The following DIAPH1 variants were observed in gnomAD, a reference collection of about 807,000 sequenced individuals.
The protein encoded by DIAPH1 is diaphanous related formin 1, also known as protein diaphanous homolog 1.
A neutral mutation model predicts 140.7 loss-of-function variants in DIAPH1; 46 were observed. The observed-to-expected ratio is 0.33, with a 90% CI of 0.26 to 0.42. The LOEUF is 0.42. Ranked by LOEUF, DIAPH1 falls within the 10% of genes least tolerant of loss-of-function variation. The pLI, the probability that DIAPH1 is intolerant of heterozygous loss-of-function variation, is 1.00. For missense variants in DIAPH1, 1,310 were observed against 1,558.7 expected (o/e 0.84, Z 2.69); for synonymous variants, 565 against 551.6 (o/e 1.02, Z -0.34).
At chr5:141,537,995 A>G (rs976838082) in intron 18 of DIAPH1, among the ~76,000 whole-genome samples, 1 of 149,870 alleles carries the variant, frequency 6.7e-6, no homozygotes, top group Non-Finnish European at 1.5e-5. Context: ...GAGCTCAAGC[A>G]ATTCTCCCAT....
intron 1 of DIAPH1, among the ~76,000 whole-genome samples, chr5:141,604,316 C>T (rs75371653): frequency 7.2e-5 from 11 of 152,214 alleles, no homozygotes; most frequent in Non-Finnish European, 1.3e-4. Context: ...CCAATTTTTC[C>T]AAAATTTCAA....
intron 8 of DIAPH1, 44 bp downstream of exon 8, chr5:141,580,700 G>T (rs199883589): frequency 2.8e-5 from 45 of 1,607,294 alleles, no homozygotes; most frequent in Non-Finnish European, 4.3e-6. Context: ...AAGAGAAAAT[G>T]ATAAAATTGA....
intron 1 of DIAPH1, among the ~76,000 whole-genome samples, chr5:141,590,184 C>T (rs764483096): frequency 2.0e-5 from 3 of 152,180 alleles, no homozygotes; most frequent in Admixed American, 1.3e-4. Flanking sequence ...TAACACAATT[C>T]AGTTCAATCC....
chr5:141,610,054 T>G (rs1048603901), intron 1 of DIAPH1, among the ~76,000 whole-genome samples: 1 of 152,192 alleles, frequency 6.6e-6, no homozygotes, highest in Non-Finnish European at 1.5e-5. Context: ...TCACAGGGCT[T>G]TGGGAGGCCA....
In DIAPH1 at chr5:141,526,169, G is replaced by C. The variant is rs1392930156; in HGVS notation, c.3443C>G (p.Ala1148Gly). ...CCGCCGCTTCTGGTTCTCCTTGACT[G>C]CTTGCTGGGGCAGGGAAGAGGAGGA... ...LHNFRNMFLQ[A>G]VKENQKRRET... is the part of the protein sequence containing the mutation. Residue 1148 changes from alanine (A) to glycine (G), a missense_variant, in exon 26 of 28, where the codon GCA becomes GGA. Physicochemically the swap from Ala to Gly is moderately conservative, Grantham distance 60 (BLOSUM62 0). Transcript: ENST00000389054. 1 of 1,614,106 alleles carries C rather than the reference G, an allele frequency of 6.2e-7. No individual in the cohort carries two copies. Among genetic ancestry groups the C allele is most frequent in the Non-Finnish European group, 8.5e-7 (1 of 1,180,036 alleles).
At position 141,575,124 on chromosome 5, in the gene DIAPH1, C is replaced by A; in HGVS notation, c.1484G>T (p.Arg495Leu). ...TTTCATTTCCACCTGTAGCTCATGT[C>A]GGGCTGTTAACTCTGAGTCCAACTA... Reference protein sequence around the residue: ...EKKLDSELTARHELQVEMKKM... With the variant: ...EKKLDSELTALHELQVEMKKM... The change falls in exon 15 of 28, where the codon CGA (arginine) becomes CTA (leucine). Residue 495 changes from arginine (R) to leucine (L), a missense_variant. Around this residue, in one of 3 missense-constraint regions of DIAPH1, gnomAD observed 589 missense variants for 549.3 expected, o/e 1.07. Coordinates refer to ENST00000389054, the MANE Select transcript of DIAPH1 (RefSeq NM_005219.5). 1 of 1,614,166 alleles carries A rather than the reference C, an allele frequency of 6.2e-7. No homozygotes were observed. Among genetic ancestry groups the A allele is most frequent in the Non-Finnish European group, 8.5e-7 (1 of 1,180,036 alleles).
intron 1 of DIAPH1, among the ~76,000 whole-genome samples, chr5:141,612,879 G>A (rs570664939): frequency 2.0e-5 from 3 of 152,236 alleles, no homozygotes; most frequent in African/African-American, 4.8e-5. Flanking sequence ...AACTACCAAC[G>A]TATGCTCTTT....
intron 1 of DIAPH1, among the ~76,000 whole-genome samples, chr5:141,603,342 CA>C (rs1441860983): frequency 2.0e-5 from 3 of 152,166 alleles, no homozygotes; most frequent in Non-Finnish European, 4.4e-5. Flanking sequence ...ATTTGTATGT[CA>C]ATTATACCTC....
intron 14 of DIAPH1, 80 bp downstream of exon 14, chr5:141,576,150 A>T (rs1352712338): frequency 8.1e-7 from 1 of 1,229,988 alleles, no homozygotes; most frequent in African/African-American, 1.5e-5. Context: ...CACAGAGGAA[A>T]ACTGTCTCAT....
At chr5:141,587,734 A>G (rs1224669180) in intron 2 of DIAPH1, among the ~76,000 whole-genome samples, 2 of 152,364 alleles carry the variant, frequency 1.3e-5, no homozygotes, top group South Asian at 2.1e-4. Flanking sequence ...GTAGGCAGCA[A>G]AAGTTCAATA....
At position 141,576,224 on chromosome 5, in the gene DIAPH1, A is replaced by G. The variant is rs1429066884; in HGVS notation, c.1461+6T>C. On this transcript the variant is annotated splice_donor_region_variant and intron_variant, in intron 14 of 27. Coordinates refer to ENST00000389054, the MANE Select transcript of DIAPH1 (RefSeq NM_005219.5). The stretch of plus-strand genomic sequence containing the variant: ...CAAACACATGTCTTTGGTCTCTCAT[A>G]TGCACCTTCTTTTCCAGCTCTGCAG... The G allele has an allele frequency of 3.1e-6, 5 of 1,607,858 alleles. No individual in the cohort carries two copies. The South Asian group carries it at 5.5e-5, about 18-fold the overall frequency.
chr5:141,578,760 A>G (rs1044931755), intron 9 of DIAPH1, 135 bp from the exon 10 acceptor site: 1 of 740,310 alleles, frequency 1.4e-6, no homozygotes, highest in African/African-American at 1.7e-5. Flanking sequence ...TGACTTTTCT[A>G]CTATAGCAAT....
At chr5:141,556,846 C>G (rs149875288) in intron 18 of DIAPH1, among the ~76,000 whole-genome samples, 69 of 152,296 alleles carry the variant, frequency 4.5e-4, no homozygotes, top group African/African-American at 1.6e-3. Flanking sequence ...CATGCGCCAC[C>G]AGGCGGCCCG....
At chr5:141,568,451 C>G (rs1596374132) in intron 18 of DIAPH1, among the ~76,000 whole-genome samples, 1 of 152,164 alleles carries the variant, frequency 6.6e-6, no homozygotes, top group Non-Finnish European at 1.5e-5. Context: ...AAAATATTCT[C>G]TGGCAGGGAA....
At chr5:141,532,443 GA>G (rs2099888376) in intron 19 of DIAPH1, among the ~76,000 whole-genome samples, 1 of 152,192 alleles carries the variant, frequency 6.6e-6, no homozygotes, top group Admixed American at 6.5e-5. Flanking sequence ...GGGATTACAG[GA>G]ATGTGCCACC....
chr5:141,580,073 T>TGTAA (rs1383410985), intron 8 of DIAPH1, among the ~76,000 whole-genome samples: 2 of 152,186 alleles, frequency 1.3e-5, no homozygotes, highest in African/African-American at 4.8e-5. Context: ...AAGGTAGATC[T>TGTAA]GTAAGTACCG....
chr5:141,609,187 A>AC (rs397801031), intron 1 of DIAPH1, among the ~76,000 whole-genome samples: 8 of 151,586 alleles, frequency 5.3e-5, no homozygotes, highest in African/African-American at 9.7e-5. Context: ...AAAAAAAAAA[A>AC]CAGGCATTTA....
chr5:141,588,130 A>AT, intron 2 of DIAPH1, 94 bp downstream of exon 2: 1 of 1,038,004 alleles, frequency 9.6e-7, no homozygotes, highest in East Asian at 2.4e-5. Flanking sequence ...TATCACCACT[A>AT]TAAGTTACAG....
chr5:141,551,523 AAC>A (rs1216893196), intron 18 of DIAPH1, among the ~76,000 whole-genome samples: 1 of 152,212 alleles, frequency 6.6e-6, no homozygotes, highest in Non-Finnish European at 1.5e-5. Flanking sequence ...ATACATAAAT[AAC>A]ACACACAGAG....
Sources: gnomAD v4.1 joint callset for allele counts (sites outside exome capture counted in the v4.1 genomes callset) on GRCh38, gnomAD v4.1.1 for gene constraint, gnomAD v4.1.1 regional missense constraint, MANE v1.5 for transcripts, NCBI Gene and HGNC (gene_info 2026-07-23, HGNC 2026-07-21) for gene names.